Variants in ASCC3 observed in about 807,000 individuals in gnomAD.
The protein encoded by ASCC3 is activating signal cointegrator 1 complex subunit 3.
A neutral mutation model predicts 256.3 loss-of-function variants in ASCC3; 158 were observed. That is an observed-to-expected ratio of 0.62 (90% confidence interval 0.54 to 0.70). The LOEUF (loss-of-function observed/expected upper bound fraction) is 0.70, where lower values mean the gene tolerates loss of function less well. Among genes scored for constraint, ASCC3 ranks in the 30% least tolerant of loss-of-function variants. ASCC3 has a pLI of 0.00. For synonymous variants in ASCC3, 948 were observed against 883.4 expected (o/e 1.07, Z -1.30); for missense variants, 2,259 against 2,626.0 (o/e 0.86, Z 3.05).
intron 8 of ASCC3, among the ~76,000 whole-genome samples, chr6:100,780,124 T>A (rs1332825623): frequency 1.3e-5 from 2 of 152,232 alleles, no homozygotes; most frequent in African/African-American, 2.4e-5. Flanking sequence ...ATTAATTCTA[T>A]AATGAATTTT....
intron 24 of ASCC3, among the ~76,000 whole-genome samples, chr6:100,641,884 A>T (rs1042234508): frequency 2.6e-5 from 4 of 152,246 alleles, no homozygotes; most frequent in African/African-American, 9.6e-5. Flanking sequence ...GAAGCTGGAA[A>T]CCATCATTCT....
chr6:100,717,458 T>A (rs1254438856), intron 12 of ASCC3, among the ~76,000 whole-genome samples: 2 of 152,026 alleles, frequency 1.3e-5, no homozygotes, highest in Non-Finnish European at 2.9e-5. Context: ...TTTTAAGTAA[T>A]GTTTTCCTTC....
intron 36 of ASCC3, among the ~76,000 whole-genome samples, chr6:100,565,033 A>C (rs1770159060): frequency 6.6e-6 from 1 of 152,202 alleles, no homozygotes; most frequent in Admixed American, 6.6e-5. Context: ...TATCATATTA[A>C]ATAATGTAAT....
intron 28 of ASCC3, 54 bp from the exon 29 acceptor site, chr6:100,627,764 A>C (rs1398087082): frequency 1.2e-6 from 2 of 1,607,120 alleles, no homozygotes; most frequent in Admixed American, 1.7e-5. Flanking sequence ...GAATTTTATA[A>C]GGTTATAATA....
chr6:100,571,581 T>C (rs1770595281), intron 36 of ASCC3, among the ~76,000 whole-genome samples: 1 of 152,220 alleles, frequency 6.6e-6, no homozygotes, highest in Non-Finnish European at 1.5e-5. Context: ...ATTTACTGAT[T>C]ATTGCAAATA....
At chr6:100,653,616 C>T (rs1444580582) in intron 17 of ASCC3, among the ~76,000 whole-genome samples, 6 of 150,894 alleles carry the variant, frequency 4.0e-5, no homozygotes, top group Non-Finnish European at 5.9e-5. Context: ...CCAACCTGGG[C>T]GACAGAGCGA....
At chr6:100,817,759 TAA>T (rs1239840739) in intron 4 of ASCC3, among the ~76,000 whole-genome samples, 1 of 151,954 alleles carries the variant, frequency 6.6e-6, no homozygotes, top group African/African-American at 2.4e-5. Context: ...CTATAACAAG[TAA>T]AAGATTGAAT....
At chr6:100,647,205 A>C (rs1456778340) in intron 21 of ASCC3, 21 bp downstream of exon 21, 1 of 1,564,486 alleles carries the variant, frequency 6.4e-7, no homozygotes, top group South Asian at 1.1e-5. Flanking sequence ...ATACATTCAA[A>C]CATATTTGCT....
At chr6:100,769,151 T>C (rs1781799046) in intron 8 of ASCC3, among the ~76,000 whole-genome samples, 1 of 152,088 alleles carries the variant, frequency 6.6e-6, no homozygotes, top group African/African-American at 2.4e-5. Flanking sequence ...CTCACTCATA[T>C]GTGGAATCTG....
intron 13 of ASCC3, among the ~76,000 whole-genome samples, chr6:100,710,749 TG>T (rs1778818266): frequency 6.6e-6 from 1 of 152,186 alleles, no homozygotes; most frequent in Non-Finnish European, 1.5e-5. Context: ...AAGATATAAC[TG>T]CTACTTTTCC....
At chr6:100,770,511 A>G (rs959715397) in intron 8 of ASCC3, among the ~76,000 whole-genome samples, 6 of 151,982 alleles carry the variant, frequency 3.9e-5, no homozygotes, top group Admixed American at 3.3e-4. Context: ...AGAAAAAAAA[A>G]AGAAATAAAG....
intron 36 of ASCC3, among the ~76,000 whole-genome samples, chr6:100,550,140 A>C (rs571476520): frequency 9.6e-4 from 146 of 152,082 alleles, no homozygotes; most frequent in Non-Finnish European, 1.9e-3. Context: ...GTGGAAGGAG[A>C]AGAAATCAGC....
At chr6:100,656,896 G>A (rs1015018195) in intron 16 of ASCC3, among the ~76,000 whole-genome samples, 3 of 149,868 alleles carry the variant, frequency 2.0e-5, no homozygotes. Context: ...TTTAATTAAA[G>A]GAGAAGAGAT....
At chr6:100,544,261 T>C (rs1412359663) in intron 36 of ASCC3, among the ~76,000 whole-genome samples, 1 of 151,722 alleles carries the variant, frequency 6.6e-6, no homozygotes, top group East Asian at 1.9e-4. Context: ...CTTAAAAAAC[T>C]AGAAAAAGAA....
intron 4 of ASCC3, among the ~76,000 whole-genome samples, chr6:100,826,984 A>T (rs1052770072): frequency 3.9e-5 from 6 of 152,228 alleles, no homozygotes; most frequent in African/African-American, 1.4e-4. Flanking sequence ...TTAAGTAATC[A>T]ACAGCCATAT....
intron 30 of ASCC3, among the ~76,000 whole-genome samples, chr6:100,609,836 G>A (rs934286178): frequency 5.3e-5 from 8 of 152,106 alleles, no homozygotes. Flanking sequence ...CCTGAACCCG[G>A]GATGCAGAGG....
Position 100,646,721 on chromosome 6 carries a change from A to G in ASCC3, c.3527T>C (p.Val1176Ala), listed in dbSNP as rs1403213358. 1 of 1,613,876 alleles carries G rather than the reference A, an allele frequency of 6.2e-7. No individual in the cohort carries two copies. The highest frequency in any genetic ancestry group is 8.5e-7 in the Non-Finnish European group (1 of 1,179,894). ...VNIGLKVKQC[V>A]HQIPSVMMEA... ...CATCATAACAGAAGGAATCTGATGA[A>G]CACATTGTTTGACCTTCAGTCCAAT... The change falls in exon 22 of 42, where the codon GTT (valine) becomes GCT (alanine). Residue 1176 changes from valine (V) to alanine (A), a missense_variant. Physicochemically the swap from Val to Ala is moderately conservative, Grantham distance 64 (BLOSUM62 0). Coordinates refer to ENST00000369162, the MANE Select transcript of ASCC3 (RefSeq NM_006828.4).
chr6:100,642,114 G>A (rs1219444828), intron 24 of ASCC3, among the ~76,000 whole-genome samples: 2 of 151,430 alleles, frequency 1.3e-5, no homozygotes, highest in Admixed American at 6.6e-5. Context: ...GTACACATAT[G>A]TAACAAACCT....
At chr6:100,659,107 G>C (rs1472208739) in intron 16 of ASCC3, among the ~76,000 whole-genome samples, 1 of 151,206 alleles carries the variant, frequency 6.6e-6, no homozygotes, top group Non-Finnish European at 1.5e-5. Flanking sequence ...AATTTCTCCA[G>C]TTCTCCTAAA....
Sources: gnomAD v4.1 joint callset for allele counts (sites outside exome capture counted in the v4.1 genomes callset) on GRCh38, gnomAD v4.1.1 for gene constraint, MANE v1.5 for transcripts, NCBI Gene and HGNC (gene_info 2026-07-23, HGNC 2026-07-21) for gene names.